SERPINI1: variants seen among roughly 807,000 people sequenced by gnomAD.
The protein encoded by SERPINI1 is neuroserpin.
A neutral mutation model predicts 41.1 loss-of-function variants in SERPINI1; 19 were observed. That is an observed-to-expected ratio of 0.46 (90% CI 0.32 to 0.68). The LOEUF (loss-of-function observed/expected upper bound fraction) is 0.68. Ranked by LOEUF, SERPINI1 falls within the 30% of genes least tolerant of loss-of-function variation. The probability of loss-of-function intolerance (pLI) is 0.03; values close to 1 mark genes in which losing one functional copy is unlikely to be tolerated. For missense variants in SERPINI1, 460 were observed against 479.2 expected, an observed-to-expected ratio of 0.96 and a Z score of 0.37; for synonymous variants, 138 against 156.6, an observed-to-expected ratio of 0.88 and a Z score of 0.89.
intron 1 of SERPINI1, among the ~76,000 whole-genome samples, chr3:167,750,076 G>A (rs1309478169): frequency 2.0e-5 from 3 of 152,176 alleles, no homozygotes; most frequent in Non-Finnish European, 4.4e-5. Flanking sequence ...TTTTGTTAAA[G>A]TTTCATGCAA....
rs757550291 is a variant in SERPINI1, at chr3:167,789,069, T to C, written c.-18-42T>C. 20 of 1,583,800 alleles carry C rather than the reference T, an allele frequency of 1.3e-5. No homozygotes were observed. In the Admixed American group the frequency reaches 2.2e-4, roughly 17 times the overall value. On this transcript the variant is annotated intron_variant, in intron 1 of 8. Coordinates refer to ENST00000446050, the MANE Select transcript of SERPINI1 (RefSeq NM_001122752.2). ...ATATCCTTCCATGAGACTTTTGTTA[T>C]AGAGATAACTAATAATTAATATGTA... is the stretch of plus-strand genomic sequence containing the variant.
chr3:167,794,868 G>A (rs368291564), intron 5 of SERPINI1, 44 bp downstream of exon 5: 6 of 1,511,788 alleles, frequency 4.0e-6, no homozygotes, highest in African/African-American at 1.4e-5. Context: ...TGGACGATGG[G>A]CTATCAATGA....
chr3:167,792,460 T>A (rs1727559180), intron 3 of SERPINI1, 130 bp from the exon 4 acceptor site: 7 of 676,334 alleles, frequency 1.0e-5, no homozygotes, highest in Non-Finnish European at 1.8e-5. Context: ...AGATACTTTT[T>A]ATTTTCATTG....
At position 167,815,126 on chromosome 3, in the gene SERPINI1, AAC is replaced by A. The variant is rs562328340; in HGVS notation, c.979+7787_979+7788del. Among the ~76,000 whole-genome samples, 541 of 152,276 alleles carry A rather than the reference AAC, an allele frequency of 3.6e-3. 1 individual carries two copies. The highest frequency in any genetic ancestry group is 5.1e-3 in the Non-Finnish European group (344 of 68,008). On this transcript the variant is annotated intron_variant, in intron 6 of 8. Coordinates refer to ENST00000446050, the MANE Select transcript of SERPINI1 (RefSeq NM_001122752.2). Reference sequence around the variant, plus strand: ...AAGGTGTTGTGCATAAGATAAGTAGAACAGGCAAAGTCCAGGCCTTGAAGAGT... The same window carrying A: ...AAGGTGTTGTGCATAAGATAAGTAGAAGGCAAAGTCCAGGCCTTGAAGAGT...
At chr3:167,820,213 G>T (rs745555118) in intron 6 of SERPINI1, among the ~76,000 whole-genome samples, 2 of 152,236 alleles carry the variant, frequency 1.3e-5, no homozygotes, top group Non-Finnish European at 2.9e-5. Context: ...CATGATGGCA[G>T]TGGTGGCCTG....
At chr3:167,798,746 C>A (rs1268130593) in intron 5 of SERPINI1, among the ~76,000 whole-genome samples, 1 of 152,022 alleles carries the variant, frequency 6.6e-6, no homozygotes, top group Non-Finnish European at 1.5e-5. Flanking sequence ...CCTTGAAAAC[C>A]AAATACTGCA....
rs1473171593 is a variant in SERPINI1 at position 167,775,740 on chromosome 3, T to G, written c.-18-13371T>G. Among the ~76,000 whole-genome samples the G allele has an allele frequency of 2.6e-5, 4 of 152,168 alleles. No individual in the cohort carries two copies. In the East Asian group the frequency reaches 7.7e-4, roughly 29 times the overall value. ...AAGTGGGTTGCTTTTTTCATCCTGT[T>G]TTTTCTGTATCCCTAGCATCTAGCT... On this transcript the variant is annotated intron_variant, in intron 1 of 8. Coordinates refer to ENST00000446050, the MANE Select transcript of SERPINI1 (RefSeq NM_001122752.2).
At chr3:167,765,666 A>G (rs12696274) in intron 1 of SERPINI1, among the ~76,000 whole-genome samples, 68,169 of 152,084 alleles carry the variant, frequency 0.45, 16,195 homozygotes, top group African/African-American at 0.61. Context: ...TTTCTCCTCA[A>G]AAAATAGAAT....
At chr3:167,783,482 A>T (rs1727208048) in intron 1 of SERPINI1, among the ~76,000 whole-genome samples, 1 of 152,232 alleles carries the variant, frequency 6.6e-6, no homozygotes, top group African/African-American at 2.4e-5. Flanking sequence ...ATGAAGCCAG[A>T]GCTATAATTT....
chr3:167,825,455 A>G lies in SERPINI1; in HGVS notation c.*132A>G, dbSNP rs1712488495. The G allele has an allele frequency of 4.5e-6, 3 of 670,444 alleles. No individual in the cohort carries two copies. Among genetic ancestry groups the G allele is most frequent in the East Asian group, 5.5e-5 (2 of 36,250 alleles). 41.5% of individuals were successfully genotyped at this position (670,444 alleles called of 1,614,324 possible). On this transcript the variant is annotated 3_prime_UTR_variant, in exon 9 of 9. Coordinates refer to ENST00000446050, the MANE Select transcript of SERPINI1 (RefSeq NM_001122752.2). ...AAATAGTTCCAGATAAAAACAATAT[A>G]TGTAAATTATAAGTAACTTGTCAAG... is the stretch of plus-strand genomic sequence containing the variant.
chr3:167,756,681 T>G (rs975860379), intron 1 of SERPINI1, among the ~76,000 whole-genome samples: 1 of 152,234 alleles, frequency 6.6e-6, no homozygotes, highest in African/African-American at 2.4e-5. Context: ...AGTCATCTTT[T>G]TTTTTGAAAA....
intron 6 of SERPINI1, among the ~76,000 whole-genome samples, chr3:167,814,189 A>AT (rs1711991719): frequency 6.6e-6 from 1 of 152,102 alleles, no homozygotes; most frequent in Non-Finnish European, 1.5e-5. Flanking sequence ...TCACTTTTTT[A>AT]TTGTTCTTTT....
At chr3:167,793,626 A>C (rs1003059338) in intron 4 of SERPINI1, among the ~76,000 whole-genome samples, 1 of 145,604 alleles carries the variant, frequency 6.9e-6, no homozygotes, top group African/African-American at 2.6e-5. Flanking sequence ...AATGGTACAT[A>C]CCTATAGTCC....
intron 1 of SERPINI1, among the ~76,000 whole-genome samples, chr3:167,781,032 C>A (rs954750652): frequency 1.3e-5 from 2 of 152,090 alleles, no homozygotes; most frequent in African/African-American, 4.8e-5. Context: ...GAACACTATG[C>A]ATGAGGAATT....
At chr3:167,796,745 T>TA (rs397756815) in intron 5 of SERPINI1, among the ~76,000 whole-genome samples, 3 of 152,012 alleles carry the variant, frequency 2.0e-5, no homozygotes, top group Admixed American at 1.3e-4. Context: ...ATTTTTTTTT[T>TA]ATCTGGTCTG....
chr3:167,758,579 G>C (rs1726265841), intron 1 of SERPINI1, among the ~76,000 whole-genome samples: 1 of 152,162 alleles, frequency 6.6e-6, no homozygotes, highest in East Asian at 1.9e-4. Context: ...TCAAAGATAT[G>C]ATGAGTAACA....
At chr3:167,823,680 T>G (rs1712418844) in intron 7 of SERPINI1, among the ~76,000 whole-genome samples, 1 of 152,192 alleles carries the variant, frequency 6.6e-6, no homozygotes, top group Non-Finnish European at 1.5e-5. Context: ...TTTGATGTGC[T>G]ATCAAATACT....
chr3:167,772,648 A>G (rs1726797963), intron 1 of SERPINI1, among the ~76,000 whole-genome samples: 1 of 151,710 alleles, frequency 6.6e-6, no homozygotes, highest in South Asian at 2.1e-4. Context: ...ATTCTAATTC[A>G]TTTATGGACA....
At chr3:167,770,802 G>A (rs998115102) in intron 1 of SERPINI1, among the ~76,000 whole-genome samples, 13 of 152,068 alleles carry the variant, frequency 8.5e-5, no homozygotes, top group Non-Finnish European at 1.8e-4. Flanking sequence ...AATCTCTTAA[G>A]CCATCTGTTT....
Sources: allele counts gnomAD v4.1 joint callset (sites outside exome capture counted in the v4.1 genomes callset), GRCh38; gene constraint gnomAD v4.1.1; transcripts MANE v1.5; gene names NCBI Gene and HGNC (gene_info 2026-07-23, HGNC 2026-07-21).